CFAP77: variants seen among roughly 807,000 people sequenced by gnomAD.
The protein encoded by CFAP77 is cilia and flagella associated protein 77.
Under a neutral mutation model 31.1 loss-of-function variants are expected in CFAP77, and 25 were observed. That is an observed-to-expected ratio of 0.80 (90% CI 0.59 to 1.12). The LOEUF is 1.12. CFAP77 is among the 50% of genes most tolerant of loss of function. CFAP77 has a pLI of 0.00. For synonymous variants in CFAP77, 151 were observed against 159.9 expected (o/e 0.94, Z 0.42); for missense variants, 377 against 397.3 (o/e 0.95, Z 0.44).
rs10641294 is a variant in CFAP77, at chr9:132,438,541, A to ATTTTTTT, written c.195+28086_195+28092dup. ...ATGGTATATATATATATATATATAT[A>ATTTTTTT]TTTTTTTTTTTTTTTTTAGACAGGG... is the stretch of plus-strand genomic sequence containing the variant. On this transcript the variant is annotated intron_variant, in intron 1 of 5. Coordinates refer to ENST00000393216, the MANE Select transcript of CFAP77 (RefSeq NM_001282957.2). Among the ~76,000 whole-genome samples, 8 of 108,122 alleles carry ATTTTTTT rather than the reference A, an allele frequency of 7.4e-5. No homozygotes were observed. The South Asian group carries it at 9.0e-4, about 12-fold the overall frequency. The allele number at this position is 108,122 out of a possible 152,430, so 70.9% of individuals were successfully genotyped here.
Position 132,496,125 on chromosome 9 carries a change from G to A in CFAP77, c.196-2570G>A, listed in dbSNP as rs865955543. Among the ~76,000 whole-genome samples the A allele has an allele frequency of 3.3e-5, 5 of 151,782 alleles. No homozygotes were observed. The South Asian group carries it at 1.0e-3, about 32-fold the overall frequency. Reference sequence around the variant, plus strand: ...GAAGAGTGAGGATAAAGATTCATGGGGTATACAAAAAAATCTCCATACCTT... The same window carrying A: ...GAAGAGTGAGGATAAAGATTCATGGAGTATACAAAAAAATCTCCATACCTT... On this transcript the variant is annotated intron_variant, in intron 1 of 5. Transcript: ENST00000393216.
At chr9:132,419,249 G>T (rs1386838254) in intron 1 of CFAP77, among the ~76,000 whole-genome samples, 1 of 152,144 alleles carries the variant, frequency 6.6e-6, no homozygotes. Flanking sequence ...TCTTTGTGTG[G>T]ATCGAAATCT....
chr9:132,412,243 G>T (rs1432690212), intron 1 of CFAP77, among the ~76,000 whole-genome samples: 3 of 152,186 alleles, frequency 2.0e-5, no homozygotes, highest in African/African-American at 7.2e-5. Flanking sequence ...CTGGCCCCTG[G>T]TGACCATGCT....
At chr9:132,416,618 C>T (rs531051432) in intron 1 of CFAP77, among the ~76,000 whole-genome samples, 21 of 150,074 alleles carry the variant, frequency 1.4e-4, no homozygotes, top group African/African-American at 4.9e-4. Flanking sequence ...GCTGGGATTA[C>T]AGGCGTGAAC....
chr9:132,507,087 G>A (rs996640255), intron 3 of CFAP77, among the ~76,000 whole-genome samples: 1 of 152,228 alleles, frequency 6.6e-6, no homozygotes, highest in Non-Finnish European at 1.5e-5. Context: ...AACCTGCTGA[G>A]CTTCTCCTTT....
chr9:132,548,286 G>GGGGGGGGGGGGGCCCC (rs1564248910), intron 5 of CFAP77, among the ~76,000 whole-genome samples: 1 of 129,002 alleles, frequency 7.8e-6, no homozygotes, highest in Non-Finnish European at 1.6e-5. Context: ...GGGGGGTGGG[G>GGGGGGGGGGGGGCCCC]GGTGAAGCTG....
At chr9:132,509,093 G>GTTGGC (rs1471382194) in intron 3 of CFAP77, among the ~76,000 whole-genome samples, 2 of 152,222 alleles carry the variant, frequency 1.3e-5, no homozygotes, top group Admixed American at 6.5e-5. Flanking sequence ...GGCCAACGCT[G>GTTGGC]ATGAGCACCT....
intron 3 of CFAP77, among the ~76,000 whole-genome samples, chr9:132,529,840 A>AAGG (rs1852407952): frequency 7.7e-6 from 1 of 130,410 alleles, no homozygotes; most frequent in Non-Finnish European, 1.8e-5. Context: ...AAAAAAAAGA[A>AAGG]AAGAAAAGAA....
chr9:132,465,800 TC>T (rs1851142594), intron 1 of CFAP77, among the ~76,000 whole-genome samples: 1 of 152,148 alleles, frequency 6.6e-6, no homozygotes, highest in Non-Finnish European at 1.5e-5. Flanking sequence ...CTGCTCCTTG[TC>T]CCCAACACTT....
chr9:132,491,192 G>T (rs1851648441), intron 1 of CFAP77, among the ~76,000 whole-genome samples: 1 of 152,230 alleles, frequency 6.6e-6, no homozygotes, highest in African/African-American at 2.4e-5. Context: ...CTGTGGCCGG[G>T]CATGGTGGCC....
At chr9:132,463,045 G>A (rs991408809) in intron 1 of CFAP77, among the ~76,000 whole-genome samples, 10 of 152,112 alleles carry the variant, frequency 6.6e-5, no homozygotes, top group African/African-American at 2.2e-4. Context: ...TGGATAGCAG[G>A]ACGGGGAGAG....
In CFAP77 at chr9:132,480,691, T is replaced by C. The variant is rs1322121711; in HGVS notation, c.196-18004T>C. 6.6e-6 allele frequency among the ~76,000 whole-genome samples: 1 copy of C among 152,166 alleles called. No homozygotes were observed. The highest frequency in any genetic ancestry group is 1.9e-4 in the East Asian group (1 of 5,164). ...TGTGGCTGGGGTTTCTCACGGAGGCTACAGAGTCCGGGGGCTTCTCCAAGG... is the reference window on the plus strand; with the variant it reads ...TGTGGCTGGGGTTTCTCACGGAGGCCACAGAGTCCGGGGGCTTCTCCAAGG... On this transcript the variant is annotated intron_variant, in intron 1 of 5. Transcript: ENST00000393216. This position sits in a 1 kb window ranked among gnomAD's most constrained non-coding sequence, Gnocchi z 5.8.
chr9:132,530,976 ATGTT>A (rs1330817373), intron 3 of CFAP77, among the ~76,000 whole-genome samples: 1 of 152,098 alleles, frequency 6.6e-6, no homozygotes, highest in Non-Finnish European at 1.5e-5. Context: ...TGAGTTTGTT[ATGTT>A]TGTTTGCTTT....
intron 1 of CFAP77, among the ~76,000 whole-genome samples, chr9:132,465,073 C>CAAAAAAAAAAAAAAAAAAAAA (rs773917029): frequency 2.4e-5 from 2 of 82,848 alleles, no homozygotes; most frequent in East Asian, 3.2e-4. Flanking sequence ...GACTCTGTCT[C>CAAAAAAAAAAAAAAAAAAAAA]AAAAAAAAAA....
Position 132,462,555 on chromosome 9 carries a change from A to C in CFAP77, c.196-36140A>C, listed in dbSNP as rs1306152207. On this transcript the variant is annotated intron_variant, in intron 1 of 5. Transcript: ENST00000393216. ...TTCAACGTCATAAAACTACACTGCA[A>C]GAACACGTTTGTCTTTGGGAGGCCG... Among the ~76,000 whole-genome samples, 4 of 152,178 alleles carry C rather than the reference A, an allele frequency of 2.6e-5. No homozygotes were observed. The East Asian group carries it at 7.7e-4, about 29-fold the overall frequency.
intron 5 of CFAP77, among the ~76,000 whole-genome samples, chr9:132,555,021 A>G (rs1589923539): frequency 2.0e-5 from 3 of 151,774 alleles, no homozygotes; most frequent in South Asian, 2.1e-4. Context: ...TGTTCATCCA[A>G]CCATCCAGCC....
chr9:132,426,864 G>A (rs1850326788), intron 1 of CFAP77, among the ~76,000 whole-genome samples: 1 of 152,214 alleles, frequency 6.6e-6, no homozygotes, highest in African/African-American at 2.4e-5. Context: ...TTGTCGAGCA[G>A]CCTGCATTAC....
At position 132,423,211 on chromosome 9, in the gene CFAP77, G is replaced by A. The variant is rs1005575893; in HGVS notation, c.195+12745G>A. ...TCTAAAAGGAAAGCGCCTGTTGGGC[G>A]AACCTGAAAGCTCTGTCTTTTCTTA... is the stretch of plus-strand genomic sequence containing the variant. On this transcript the variant is annotated intron_variant, in intron 1 of 5. Coordinates refer to ENST00000393216, the MANE Select transcript of CFAP77 (RefSeq NM_001282957.2). Among the ~76,000 whole-genome samples the A allele has an allele frequency of 3.9e-4, 60 of 152,214 alleles. 1 individual carries two copies. The highest frequency in any genetic ancestry group is 3.7e-3 in the Admixed American group (57 of 15,284).
At chr9:132,521,778 T>TTTTTTTTTTTTTTTTTTGTTTTG (rs533275755) in intron 3 of CFAP77, among the ~76,000 whole-genome samples, 1 of 106,152 alleles carries the variant, frequency 9.4e-6, no homozygotes, top group East Asian at 4.3e-4. Flanking sequence ...TTTTTTTTTT[T>TTTTTTTTTTTTTTTTTTGTTTTG]TTTTTTGAGA....
Sources: gnomAD v4.1 joint callset for allele counts (sites outside exome capture counted in the v4.1 genomes callset) on GRCh38, gnomAD v4.1.1 for gene constraint, Gnocchi (gnomAD v3.1) non-coding constraint, MANE v1.5 for transcripts, NCBI Gene and HGNC (gene_info 2026-07-23, HGNC 2026-07-21) for gene names.